COMMD10: variants seen among roughly 807,000 people sequenced by gnomAD.
The protein encoded by COMMD10 is COMM domain-containing protein 10.
Under a neutral mutation model 28.9 loss-of-function variants are expected in COMMD10, and 33 were observed. The observed-to-expected ratio is 1.14, with a 90% CI of 0.87 to 1.53. The LOEUF (loss-of-function observed/expected upper bound fraction) is 1.53, where lower values mean the gene tolerates loss of function less well. Ranked by LOEUF, COMMD10 falls within the 40% of genes most tolerant of loss-of-function variation. The pLI is 0.00. For missense variants in COMMD10, 310 were observed against 233.4 expected (o/e 1.33, Z -2.14); for synonymous variants, 110 against 81.7 (o/e 1.35, Z -1.87).
At chr5:116,137,692 A>G (rs1260308766) in intron 5 of COMMD10, among the ~76,000 whole-genome samples, 1 of 151,928 alleles carries the variant, frequency 6.6e-6, no homozygotes, top group Non-Finnish European at 1.5e-5. Context: ...ATACAAATGA[A>G]AAATGCAGCC....
At chr5:116,237,147 C>G (rs1259807328) in intron 5 of COMMD10, among the ~76,000 whole-genome samples, 1 of 151,938 alleles carries the variant, frequency 6.6e-6, no homozygotes, top group Non-Finnish European at 1.5e-5. Flanking sequence ...TACAAGGATC[C>G]TAAAGCAGAA....
At chr5:116,086,666 G>A (rs912633136) in intron 1 of COMMD10, among the ~76,000 whole-genome samples, 12 of 152,132 alleles carry the variant, frequency 7.9e-5, no homozygotes, top group African/African-American at 2.9e-4. Context: ...CACCATGTTG[G>A]CTAGGCTGGT....
At position 116,175,280 on chromosome 5, in the gene COMMD10, C is replaced by A. The variant is rs1035590654; in HGVS notation, c.510+41102C>A. Among the ~76,000 whole-genome samples the A allele has an allele frequency of 2.6e-5, 4 of 152,016 alleles. No homozygotes were observed. The East Asian group carries it at 7.7e-4, about 29-fold the overall frequency. On this transcript the variant is annotated intron_variant, in intron 5 of 6. Transcript: ENST00000274458. ...CAGTGGCTTTAAAAAAAAATTGCTG[C>A]AGCTCAGTGGGCTAGGTAGTTAGTA...
At chr5:116,290,051 C>A (rs988983774) in intron 5 of COMMD10, among the ~76,000 whole-genome samples, 10 of 151,926 alleles carry the variant, frequency 6.6e-5, no homozygotes, top group African/African-American at 2.4e-4. Flanking sequence ...GGCTTGACTG[C>A]CACCTTTAGG....
chr5:116,114,165 G>A (rs1016752663), intron 4 of COMMD10, among the ~76,000 whole-genome samples: 1 of 152,118 alleles, frequency 6.6e-6, no homozygotes, highest in African/African-American at 2.4e-5. Flanking sequence ...GGTTTCAGTG[G>A]TAGCAGTGGT....
chr5:116,136,472 C>G (rs533941166), intron 5 of COMMD10, among the ~76,000 whole-genome samples: 2 of 152,320 alleles, frequency 1.3e-5, no homozygotes, highest in East Asian at 3.9e-4. Flanking sequence ...ACTATTTTGA[C>G]CACATACATT....
chr5:116,184,957 C>T (rs564445804), intron 5 of COMMD10, among the ~76,000 whole-genome samples: 34 of 152,128 alleles, frequency 2.2e-4, no homozygotes, highest in Non-Finnish European at 4.6e-4. Flanking sequence ...GCCTTAACTT[C>T]CTATTTTGCA....
chr5:116,168,242 G>A (rs1194647092), intron 5 of COMMD10, among the ~76,000 whole-genome samples: 1 of 151,170 alleles, frequency 6.6e-6, no homozygotes, highest in Non-Finnish European at 1.5e-5. Flanking sequence ...GACAAAGAAG[G>A]GCATTACATA....
At chr5:116,132,769 C>G (rs566693199) in intron 4 of COMMD10, among the ~76,000 whole-genome samples, 15 of 152,188 alleles carry the variant, frequency 9.9e-5, no homozygotes, top group African/African-American at 3.6e-4. Context: ...GTATCAGAGA[C>G]TATGCTTGCT....
chr5:116,255,684 A>G (rs1383000047), intron 5 of COMMD10: 2 of 151,600 alleles, frequency 1.3e-5, no homozygotes, highest in Non-Finnish European at 1.5e-5. Context: ...AGCATAAGCT[A>G]ACACTGTTAT....
At chr5:116,121,005 T>C (rs902359136) in intron 4 of COMMD10, among the ~76,000 whole-genome samples, 1 of 152,204 alleles carries the variant, frequency 6.6e-6, no homozygotes, top group Non-Finnish European at 1.5e-5. Flanking sequence ...AATTATACTT[T>C]AAGTTCTAGG....
chr5:116,223,969 A>G (rs1056814639), intron 5 of COMMD10, among the ~76,000 whole-genome samples: 2 of 152,134 alleles, frequency 1.3e-5, no homozygotes, highest in Non-Finnish European at 2.9e-5. Context: ...AAAGTAATGC[A>G]TGTGTTTGGA....
Position 116,276,035 on chromosome 5 carries a change from G to A in COMMD10, c.511-15482G>A, listed in dbSNP as rs190890879. Among the ~76,000 whole-genome samples the A allele has an allele frequency of 4.6e-4, 70 of 150,912 alleles. 1 individual carries two copies. The highest frequency in any genetic ancestry group is 1.7e-3 in the African/African-American group (68 of 40,784). Reference sequence around the variant, plus strand: ...TGGAAGCCTTCATTGTAAAATGATCGTAAGTACTAACACAGGTATTCTTAC... The same window carrying A: ...TGGAAGCCTTCATTGTAAAATGATCATAAGTACTAACACAGGTATTCTTAC... On this transcript the variant is annotated intron_variant, in intron 5 of 6. Transcript: ENST00000274458.
chr5:116,287,809 A>G (rs1751257490), intron 5 of COMMD10, among the ~76,000 whole-genome samples: 1 of 151,752 alleles, frequency 6.6e-6, no homozygotes, highest in South Asian at 2.1e-4. Context: ...CAAACTGATA[A>G]CAACCTAACT....
intron 5 of COMMD10, among the ~76,000 whole-genome samples, chr5:116,228,940 T>C (rs1371020032): frequency 6.6e-6 from 1 of 151,962 alleles, no homozygotes; most frequent in Non-Finnish European, 1.5e-5. Context: ...GACTCCCAGC[T>C]CAGGATAGTA....
At chr5:116,224,759 G>A (rs955117676) in intron 5 of COMMD10, among the ~76,000 whole-genome samples, 3 of 152,094 alleles carry the variant, frequency 2.0e-5, no homozygotes, top group Admixed American at 6.5e-5. Context: ...CATTCAAACC[G>A]TATCACCCGG....
intron 5 of COMMD10, among the ~76,000 whole-genome samples, chr5:116,157,008 A>T (rs1221763818): frequency 6.6e-6 from 1 of 152,174 alleles, no homozygotes; most frequent in Non-Finnish European, 1.5e-5. Context: ...TAGAGATCTC[A>T]GGCAAATCCA....
chr5:116,120,947 A>G (rs1580461700), intron 4 of COMMD10, among the ~76,000 whole-genome samples: 1 of 151,686 alleles, frequency 6.6e-6, no homozygotes, highest in East Asian at 2.0e-4. Context: ...TATGTTTTGT[A>G]TGTGTATATG....
chr5:116,290,510 G>A (rs72808926), intron 5 of COMMD10, among the ~76,000 whole-genome samples: 1 of 151,872 alleles, frequency 6.6e-6, no homozygotes, highest in African/African-American at 2.4e-5. Context: ...AATTTGGTTT[G>A]AAATGTCGGC....
Sources: gnomAD v4.1 joint callset for allele counts (sites outside exome capture counted in the v4.1 genomes callset) on GRCh38, gnomAD v4.1.1 for gene constraint, MANE v1.5 for transcripts, NCBI Gene and HGNC (gene_info 2026-07-23, HGNC 2026-07-21) for gene names.